ADAMTS3: variants seen among roughly 807,000 people sequenced by gnomAD.
The protein encoded by ADAMTS3 is ADAM metallopeptidase with thrombospondin type 1 motif 3.
Under a neutral mutation model 129.0 loss-of-function variants are expected in ADAMTS3, and 73 were observed. The observed-to-expected ratio is 0.57, with a 90% CI of 0.47 to 0.69. The LOEUF (loss-of-function observed/expected upper bound fraction) is 0.69, where lower values mean the gene tolerates loss of function less well. Among genes scored for constraint, ADAMTS3 ranks in the 30% least tolerant of loss-of-function variants. ADAMTS3 has a pLI of 0.00. For missense variants in ADAMTS3, 1,457 were observed against 1,514.5 expected, an observed-to-expected ratio of 0.96 and a Z score of 0.63; for synonymous variants, 477 against 510.8, an observed-to-expected ratio of 0.93 and a Z score of 0.89.
intron 5 of ADAMTS3, among the ~76,000 whole-genome samples, chr4:72,332,826 T>G (rs778013259): frequency 3.9e-5 from 6 of 152,200 alleles, no homozygotes; most frequent in Non-Finnish European, 5.9e-5. Context: ...ATCAGGTAAC[T>G]AACTGAATTC....
Position 72,568,724 on chromosome 4 carries a change from C to T in ADAMTS3, c.39G>A (p.Leu13=), listed in dbSNP as rs1411638620. ...CATCAGCTGAAGTCCTAACCTCTACCAGAGCGGCTGCTATCAACCAAAGTG... is the reference window on the plus strand; with the variant it reads ...CATCAGCTGAAGTCCTAACCTCTACTAGAGCGGCTGCTATCAACCAAAGTG... The part of the protein sequence containing the change: ...LLSLWLIAAA[L]VEVRTSADGQ... The change falls in exon 1 of 22, where the codon CTG becomes CTA. Residue 13 remains leucine (L), a synonymous_variant. Transcript: ENST00000286657. The T allele has an allele frequency of 6.2e-7, 1 of 1,613,806 alleles. No homozygotes were observed. The highest frequency in any genetic ancestry group is 8.5e-7 in the Non-Finnish European group (1 of 1,179,972).
At chr4:72,486,663 C>A (rs565394699) in intron 3 of ADAMTS3, among the ~76,000 whole-genome samples, 9 of 152,200 alleles carry the variant, frequency 5.9e-5, no homozygotes, top group Non-Finnish European at 1.2e-4. Flanking sequence ...AAAAATAATT[C>A]TTTCCCAAAA....
At chr4:72,288,680 C>T (rs1246444029) in intron 21 of ADAMTS3, 71 bp downstream of exon 21, 6 of 991,934 alleles carry the variant, frequency 6.0e-6, no homozygotes, top group Middle Eastern at 2.1e-4. Context: ...TATAACTTCT[C>T]TCAAAAGGAA....
At chr4:72,326,532 C>T (rs557355454) in intron 5 of ADAMTS3, among the ~76,000 whole-genome samples, 6 of 152,026 alleles carry the variant, frequency 3.9e-5, no homozygotes, top group African/African-American at 7.2e-5. Context: ...GAGTGACCTT[C>T]GGTTGGTCAT....
chr4:72,356,991 G>A (rs188147842), intron 4 of ADAMTS3, among the ~76,000 whole-genome samples: 1 of 151,790 alleles, frequency 6.6e-6, no homozygotes, highest in Admixed American at 6.6e-5. Flanking sequence ...TCTTAGACAT[G>A]TACTTAATAA....
At chr4:72,302,212 A>G (rs1394651347) in intron 17 of ADAMTS3, among the ~76,000 whole-genome samples, 3 of 152,044 alleles carry the variant, frequency 2.0e-5, no homozygotes, top group Admixed American at 2.0e-4. Context: ...GTGATCCATA[A>G]AAAAAATTGA....
chr4:72,523,199 A>C (rs1720718830), intron 3 of ADAMTS3, among the ~76,000 whole-genome samples: 1 of 152,114 alleles, frequency 6.6e-6, no homozygotes, highest in Non-Finnish European at 1.5e-5. Context: ...CATGTGCATT[A>C]AAACAAAAAC....
chr4:72,329,731 C>T (rs145145917), intron 5 of ADAMTS3, among the ~76,000 whole-genome samples: 28 of 150,652 alleles, frequency 1.9e-4, no homozygotes, highest in African/African-American at 5.6e-4. Context: ...CTCTTAGTAA[C>T]ATTCTCAACT....
In ADAMTS3 at chr4:72,404,825, A is replaced by AACAC. The variant is rs146366382; in HGVS notation, c.661+9986_661+9989dup. Among the ~76,000 whole-genome samples, 298 of 148,912 alleles carry AACAC rather than the reference A, an allele frequency of 2.0e-3. 2 individuals are homozygous for AACAC. Among genetic ancestry groups the AACAC allele is most frequent in the African/African-American group, 7.0e-3 (286 of 40,596 alleles). On this transcript the variant is annotated intron_variant, in intron 4 of 21. Coordinates refer to ENST00000286657, the MANE Select transcript of ADAMTS3 (RefSeq NM_014243.3). Reference sequence around the variant, plus strand: ...AGTAGCAAAACAAACAAGCAAACAAAACACACACACACACACACACACACA... The same window carrying AACAC: ...AGTAGCAAAACAAACAAGCAAACAAAACACACACACACACACACACACACACACA...
chr4:72,286,741 G>A (rs1327540197), intron 21 of ADAMTS3, among the ~76,000 whole-genome samples: 1 of 152,136 alleles, frequency 6.6e-6, no homozygotes, highest in East Asian at 1.9e-4. Context: ...GGTTGTGGTG[G>A]ATGGGGATGG....
rs183913463 is a variant in ADAMTS3 at position 72,510,374 on chromosome 4, C to T, written c.504+38104G>A. Among the ~76,000 whole-genome samples, 39 of 152,030 alleles carry T rather than the reference C, an allele frequency of 2.6e-4. No individual in the cohort carries two copies. In the East Asian group the frequency reaches 7.5e-3, roughly 29 times the overall value. ...GATATGATGTTATATTTGGAAAAACCTAAACACTCCACCAAAAAACTATTA... is the reference window on the plus strand; with the variant it reads ...GATATGATGTTATATTTGGAAAAACTTAAACACTCCACCAAAAAACTATTA... On this transcript the variant is annotated intron_variant, in intron 3 of 21. Coordinates refer to ENST00000286657, the MANE Select transcript of ADAMTS3 (RefSeq NM_014243.3).
intron 3 of ADAMTS3, among the ~76,000 whole-genome samples, chr4:72,546,666 C>T (rs949167745): frequency 1.3e-5 from 2 of 152,084 alleles, no homozygotes; most frequent in Non-Finnish European, 2.9e-5. Flanking sequence ...GATTATGAAA[C>T]ACATCACATA....
intron 4 of ADAMTS3, among the ~76,000 whole-genome samples, chr4:72,374,338 A>G (rs1721086900): frequency 6.7e-6 from 1 of 148,158 alleles, no homozygotes; most frequent in African/African-American, 2.5e-5. Context: ...TCTTCTTGCT[A>G]TGCTTTGAAT....
At chr4:72,394,909 A>C (rs1346195368) in intron 4 of ADAMTS3, among the ~76,000 whole-genome samples, 1 of 151,914 alleles carries the variant, frequency 6.6e-6, no homozygotes, top group East Asian at 1.9e-4. Flanking sequence ...TTTAGTCTCC[A>C]ACATATACGC....
At chr4:72,466,809 G>A (rs1718932607) in intron 3 of ADAMTS3, among the ~76,000 whole-genome samples, 2 of 151,944 alleles carry the variant, frequency 1.3e-5, no homozygotes, top group Non-Finnish European at 2.9e-5. Flanking sequence ...GATACCCAGA[G>A]TAATAGAATG....
intron 4 of ADAMTS3, 22 bp from the exon 5 acceptor site, chr4:72,339,715 C>T: frequency 6.2e-7 from 1 of 1,603,378 alleles, no homozygotes; most frequent in South Asian, 1.1e-5. Context: ...CAAAAGGAAC[C>T]AGGAATTTCA....
chr4:72,486,614 G>T (rs1019626703), intron 3 of ADAMTS3, among the ~76,000 whole-genome samples: 5 of 151,980 alleles, frequency 3.3e-5, no homozygotes, highest in African/African-American at 7.3e-5. Context: ...CAAATAGGCA[G>T]GTTTCTGATA....
intron 3 of ADAMTS3, among the ~76,000 whole-genome samples, chr4:72,542,312 C>T (rs1483694097): frequency 2.0e-5 from 3 of 151,878 alleles, no homozygotes; most frequent in Non-Finnish European, 4.4e-5. Context: ...CTACAGGCGC[C>T]CACCACCACG....
intron 4 of ADAMTS3, among the ~76,000 whole-genome samples, chr4:72,401,647 C>T (rs371325511): frequency 2.1e-5 from 3 of 144,984 alleles, no homozygotes; most frequent in African/African-American, 7.6e-5. Flanking sequence ...CTACAAATCA[C>T]ATGCTCAAAG....
Sources: gnomAD v4.1 joint callset for allele counts (sites outside exome capture counted in the v4.1 genomes callset) on GRCh38, gnomAD v4.1.1 for gene constraint, MANE v1.5 for transcripts, NCBI Gene and HGNC (gene_info 2026-07-23, HGNC 2026-07-21) for gene names.